DNAH17: variants seen among roughly 807,000 people sequenced by gnomAD.
DNAH17 encodes axonemal beta dynein heavy chain 17.
A neutral mutation model predicts 485.6 loss-of-function variants in DNAH17; 376 were observed. That is an observed-to-expected ratio of 0.77 (90% CI 0.71 to 0.84). The LOEUF (loss-of-function observed/expected upper bound fraction) is 0.84. Ranked by LOEUF, DNAH17 falls within the 40% of genes least tolerant of loss-of-function variation. DNAH17 has a pLI of 0.00. For missense variants in DNAH17, 6,370 were observed against 5,839.3 expected (o/e 1.09, Z -2.96); for synonymous variants, 3,031 against 2,405.9 (o/e 1.26, Z -7.60).
intron 32 of DNAH17, 70 bp from the exon 33 acceptor site, chr17:78,502,768 G>A (rs890239921): frequency 6.9e-6 from 11 of 1,591,542 alleles, no homozygotes; most frequent in Non-Finnish European, 9.4e-6. Context: ...AGACATTCCT[G>A]CTGAAAGCTT....
chr17:78,472,223 G>T (rs1311118926), intron 54 of DNAH17, among the ~76,000 whole-genome samples: 1 of 146,230 alleles, frequency 6.8e-6, no homozygotes, highest in Non-Finnish European at 1.5e-5. Context: ...GGGGGTGTGT[G>T]AGACATTAGG....
intron 75 of DNAH17, among the ~76,000 whole-genome samples, chr17:78,431,677 G>A (rs574637287): frequency 9.0e-4 from 137 of 152,228 alleles, no homozygotes; most frequent in Non-Finnish European, 1.2e-3. Flanking sequence ...TGCCATGAAG[G>A]GAATATGGGA....
chr17:78,495,919 G>C lies in DNAH17; in HGVS notation c.5859C>G (p.Tyr1953Ter). 1 of 1,613,888 alleles carries C rather than the reference G, an allele frequency of 6.2e-7. No individual in the cohort carries two copies. Among genetic ancestry groups the C allele is most frequent in the Non-Finnish European group, 8.5e-7 (1 of 1,179,836 alleles). ...VGIFITMNPG[Y>*]AGRAELPENL... ...TCTCAGGCAGCTCCGCGCGTCCGGC[G>C]TACCCAGGGTTCATGGTGATGAAGA... The change falls in exon 38 of 81, where the codon TAC becomes TAG. Residue 1953 changes from tyrosine to a stop codon, truncating the protein, a stop_gained. Transcript: ENST00000389840. LOFTEE classifies it high-confidence loss of function.
chr17:78,467,879 G>A (rs1383707663), intron 55 of DNAH17, among the ~76,000 whole-genome samples: 2 of 152,122 alleles, frequency 1.3e-5, no homozygotes, highest in South Asian at 2.1e-4. Context: ...TTAGCCAGGT[G>A]TGGTGGTGGG....
At chr17:78,446,205 A>T in intron 69 of DNAH17, among the ~76,000 whole-genome samples, 1 of 138,206 alleles carries the variant, frequency 7.2e-6, no homozygotes, top group African/African-American at 2.6e-5. Context: ...AAAATTGACA[A>T]TTGTAACCAT....
At chr17:78,452,464 G>A (rs988350157) in intron 65 of DNAH17, among the ~76,000 whole-genome samples, 4 of 152,250 alleles carry the variant, frequency 2.6e-5, no homozygotes, top group Non-Finnish European at 4.4e-5. Flanking sequence ...AAGGCCGGGC[G>A]CGGTGGCTCC....
At chr17:78,550,507 T>G (rs1038459514) in intron 16 of DNAH17, among the ~76,000 whole-genome samples, 2 of 59,400 alleles carry the variant, frequency 3.4e-5, no homozygotes, top group African/African-American at 1.4e-4. Context: ...TGGGCCCTCA[T>G]CCAGCATGAC....
intron 25 of DNAH17, among the ~76,000 whole-genome samples, chr17:78,521,665 C>G (rs2090937822): frequency 6.6e-6 from 1 of 152,014 alleles, no homozygotes; most frequent in Admixed American, 6.6e-5. Context: ...GGATTATACC[C>G]AAGTTTCATA....
At position 78,574,938 on chromosome 17, in the gene DNAH17, G is replaced by A. The variant is rs1048073129; in HGVS notation, c.120C>T (p.Phe40=). 15 of 1,613,884 alleles carry A rather than the reference G, an allele frequency of 9.3e-6. No individual in the cohort carries two copies. The highest frequency in any genetic ancestry group is 6.7e-5 in the African/African-American group (5 of 74,926). ...CGTCGGGCTTTTCAAAGAACTCTGT[G>A]AACAGGGCCACGTTCTCCTCGGCGC... ...LIGAEENVAL[F]TEFFEKPDVQ... The change falls in exon 2 of 81, where the codon TTC becomes TTT. Residue 40 remains phenylalanine, a synonymous_variant. Coordinates refer to ENST00000389840, the MANE Select transcript of DNAH17 (RefSeq NM_173628.4).
intron 30 of DNAH17, among the ~76,000 whole-genome samples, chr17:78,505,983 TA>T (rs893735807): frequency 6.6e-6 from 1 of 151,650 alleles, no homozygotes; most frequent in Non-Finnish European, 1.5e-5. Flanking sequence ...CATCTCAAAA[TA>T]AAAAAAATTA....
At chr17:78,524,053 C>T (rs2091000404) in intron 25 of DNAH17, among the ~76,000 whole-genome samples, 1 of 152,228 alleles carries the variant, frequency 6.6e-6, no homozygotes, top group Admixed American at 6.5e-5. Context: ...CTGTTGAAAT[C>T]CTTACCTCGT....
At chr17:78,438,936 C>T in intron 73 of DNAH17, 154 bp downstream of exon 73, 1 of 1,180,212 alleles carries the variant, frequency 8.5e-7, no homozygotes, top group South Asian at 1.7e-5. Context: ...AGAGCCGACA[C>T]TGGGGATGCC....
At chr17:78,527,574 C>T (rs1022630831) in intron 22 of DNAH17, among the ~76,000 whole-genome samples, 5 of 152,012 alleles carry the variant, frequency 3.3e-5, no homozygotes, top group African/African-American at 7.3e-5. Flanking sequence ...GTGCAAACAC[C>T]GCCACAATCA....
intron 55 of DNAH17, among the ~76,000 whole-genome samples, 166 bp from the exon 56 acceptor site, chr17:78,466,982 C>A (rs1192771498): frequency 6.6e-6 from 1 of 152,238 alleles, no homozygotes; most frequent in Non-Finnish European, 1.5e-5. Context: ...GCGGCCGCTG[C>A]ATTGCCGTGG....
chr17:78,537,980 A>T lies in DNAH17; in HGVS notation c.2677-499T>A, dbSNP rs189996081. Among the ~76,000 whole-genome samples the T allele has an allele frequency of 2.5e-3, 387 of 152,236 alleles. 3 individuals carry two copies. Among genetic ancestry groups the T allele is most frequent in the African/African-American group, 8.6e-3 (357 of 41,534 alleles). On this transcript the variant is annotated intron_variant, in intron 18 of 80. Transcript: ENST00000389840. ...ATGGCGAAGCCCCGTCTCTACTAAAAATACAAAATAATTAGCTGGGCCTGG... is the reference window on the plus strand; with the variant it reads ...ATGGCGAAGCCCCGTCTCTACTAAATATACAAAATAATTAGCTGGGCCTGG...
At chr17:78,465,567 C>A (rs1223094269) in intron 56 of DNAH17, among the ~76,000 whole-genome samples, 1 of 145,458 alleles carries the variant, frequency 6.9e-6, no homozygotes, top group African/African-American at 2.5e-5. Context: ...ATGTGGGGAG[C>A]GCCTCTGCCC....
At chr17:78,474,603 CCT>C (rs1247361896) in intron 54 of DNAH17, among the ~76,000 whole-genome samples, 1 of 152,232 alleles carries the variant, frequency 6.6e-6, no homozygotes, top group Non-Finnish European at 1.5e-5. Context: ...AGGGATCCAA[CCT>C]CTCTGCCTCT....
Position 78,450,727 on chromosome 17 carries a change from C to T in DNAH17, c.10854G>A (p.Glu3618=), listed in dbSNP as rs772422853. ...GNFLGDTALV[E]NLETTKHTAS... ...CTGTGTGCTTGGTGGTCTCCAGATT[C>T]TCCACCAAGGCCGTGTCTCCCAGAA... The change falls in exon 67 of 81, where the codon GAG becomes GAA. Residue 3618 remains glutamate, a synonymous_variant. Transcript: ENST00000389840. 6.2e-7 allele frequency: 1 copy of T among 1,613,872 alleles called. No individual in the cohort carries two copies. Among genetic ancestry groups the T allele is most frequent in the African/African-American group, 1.3e-5 (1 of 74,942 alleles).
chr17:78,537,259 T>C (rs748064128), intron 19 of DNAH17, 40 bp downstream of exon 19: 2 of 1,529,406 alleles, frequency 1.3e-6, no homozygotes, highest in Admixed American at 2.0e-5. Flanking sequence ...GGGAAAGCAA[T>C]GGATGACCCT....
Sources: gnomAD v4.1 joint callset for allele counts (sites outside exome capture counted in the v4.1 genomes callset) on GRCh38, gnomAD v4.1.1 for gene constraint, MANE v1.5 for transcripts, NCBI Gene and HGNC (gene_info 2026-07-23, HGNC 2026-07-21) for gene names.